Variants in C10orf71 observed in about 807,000 individuals in gnomAD.
The protein encoded by C10orf71 is chromosome 10 open reading frame 71, also known as cardiac-enriched FHL2-interacting protein.
For missense variants in C10orf71, 1,869 were observed against 1,804.5 expected (o/e 1.04, Z -0.65); for synonymous variants, 758 against 726.3 (o/e 1.04, Z -0.70).
In C10orf71 at chr10:49,325,341, C is replaced by T. The variant is rs41306409; in HGVS notation, c.2796C>T (p.Asn932=). Residue 932 remains asparagine (N), a synonymous_variant, in exon 3 of 3, where the codon AAC becomes AAT. Coordinates refer to ENST00000374144, the MANE Select transcript of C10orf71 (RefSeq NM_001135196.2). ...TRGTRVKCMA[N]EVMEDPGQGS... is the part of the protein sequence containing the mutation. ...GCACACGTGTGAAGTGCATGGCCAA[C>T]GAGGTCATGGAGGACCCTGGGCAGG... 0.021 allele frequency: 32,880 copies of T among 1,551,704 alleles called. 412 individuals are homozygous for T. Among genetic ancestry groups the T allele is most frequent in the Non-Finnish European group, 0.026 (30,005 of 1,146,998 alleles).
rs1564694810 is a variant in C10orf71 at position 49,326,933 on chromosome 10, A to ACACACACACACG, written c.*91_*92insGCACACACACAC. 17 of 1,522,508 alleles carry ACACACACACACG rather than the reference A, an allele frequency of 1.1e-5. No homozygotes were observed. In the South Asian group the frequency reaches 1.8e-4, roughly 17 times the overall value. The allele number at this position is 1,522,508 out of a possible 1,614,324, so 94.3% of individuals were successfully genotyped here. On this transcript the variant is annotated 3_prime_UTR_variant, in exon 3 of 3. Coordinates refer to ENST00000374144, the MANE Select transcript of C10orf71 (RefSeq NM_001135196.2). The stretch of plus-strand genomic sequence containing the variant: ...CTCCCCCAAAACAAGCAACACACAC[A>ACACACACACACG]CACACACACACACACACACACACAC...
chr10:49,309,061 A>G (rs977773695), intron 1 of C10orf71, among the ~76,000 whole-genome samples: 1 of 152,218 alleles, frequency 6.6e-6, no homozygotes, highest in Middle Eastern at 3.2e-3. Context: ...GCCAAGTGTT[A>G]TCAAGGAATA....
At position 49,324,702 on chromosome 10, in the gene C10orf71, G is replaced by C; in HGVS notation, c.2157G>C (p.Met719Ile). 2.5e-6 allele frequency: 4 copies of C among 1,603,774 alleles called. No individual in the cohort carries two copies. The highest frequency in any genetic ancestry group is 2.6e-6 in the Non-Finnish European group (3 of 1,174,280). Residue 719 changes from methionine to isoleucine, a missense_variant, in exon 3 of 3, where the codon ATG becomes ATC. Coordinates refer to ENST00000374144, the MANE Select transcript of C10orf71 (RefSeq NM_001135196.2). ...ACAGTGACAGCCAATCCGATTTTAT[G>C]CCAAGCCTCAAAGGTAAGGCCAAAT... Reference protein sequence around the residue: ...VFYSDSQSDFMPSLKGKAKFS... With the variant: ...VFYSDSQSDFIPSLKGKAKFS...
rs772077867 is a variant in C10orf71, at chr10:49,324,134, A to G, written c.1589A>G (p.Lys530Arg). ...GTGCTTGATGAGAAAACTAGAGGTA[A>G]GGTTGATGGAAAGCAAGAACCTGTG... Reference protein sequence around the residue: ...LKVLDEKTRGKVDGKQEPVSN... With the variant: ...LKVLDEKTRGRVDGKQEPVSN... The change falls in exon 3 of 3, where the codon AAG becomes AGG. Residue 530 changes from lysine to arginine, a missense_variant. Coordinates refer to ENST00000374144, the MANE Select transcript of C10orf71 (RefSeq NM_001135196.2). The G allele has an allele frequency of 1.2e-6, 2 of 1,613,990 alleles. No individual in the cohort carries two copies. Among genetic ancestry groups the G allele is most frequent in the East Asian group, 4.5e-5 (2 of 44,880 alleles).
At chr10:49,308,102 C>G (rs755884323) in intron 1 of C10orf71, among the ~76,000 whole-genome samples, 3 of 152,202 alleles carry the variant, frequency 2.0e-5, no homozygotes, top group Admixed American at 6.5e-5. Context: ...AGCATCACTC[C>G]TCCAGTCTCT....
rs775181715 is a variant in C10orf71, at chr10:49,324,646, C to A, written c.2101C>A (p.Pro701Thr). The change falls in exon 3 of 3, where the codon CCC (proline) becomes ACC (threonine). Residue 701 changes from proline (P) to threonine (T), a missense_variant. Coordinates refer to ENST00000374144, the MANE Select transcript of C10orf71 (RefSeq NM_001135196.2). ...THLNQKFFPG[P>T]LSPEEEDVFY... ...TTTGAACCAGAAATTCTTCCCAGGG[C>A]CCCTCTCTCCTGAGGAGGAAGATGT... is the stretch of plus-strand genomic sequence containing the variant. 3 of 1,613,592 alleles carry A rather than the reference C, an allele frequency of 1.9e-6. No individual in the cohort carries two copies. In the South Asian group the frequency reaches 3.3e-5, roughly 18 times the overall value.
At position 49,326,337 on chromosome 10, in the gene C10orf71, C is replaced by T; in HGVS notation, c.3792C>T (p.Leu1264=). 3 of 1,550,048 alleles carry T rather than the reference C, an allele frequency of 1.9e-6. No homozygotes were observed. The highest frequency in any genetic ancestry group is 2.0e-5 in the Admixed American group (1 of 50,970). ...GGCGGCCCGGGGGCCCCCAGTCCCT[C>T]ACACCCCTGCCCGCGTACCCCGCCA... ...VGRRPGGPQS[L]TPLPAYPATQ... is the part of the protein sequence containing the mutation. The change falls in exon 3 of 3, where the codon CTC becomes CTT. Residue 1264 remains leucine, a synonymous_variant. Coordinates refer to ENST00000374144, the MANE Select transcript of C10orf71 (RefSeq NM_001135196.2).
chr10:49,322,807 C>A lies in C10orf71; in HGVS notation c.262C>A (p.Gln88Lys). 1 of 1,613,828 alleles carries A rather than the reference C, an allele frequency of 6.2e-7. No homozygotes were observed. Among genetic ancestry groups the A allele is most frequent in the Non-Finnish European group, 8.5e-7 (1 of 1,179,782 alleles). The change falls in exon 3 of 3, where the codon CAG becomes AAG. Residue 88 changes from glutamine (Q) to lysine (K), a missense_variant. Transcript: ENST00000374144. ...TGGCATTTGGAGCCAGTTACCGTCA[C>A]AGGGCACGGAACATTCGGGCTGGGC... ...KSGIWSQLPS[Q>K]GTEHSGWAAT...
intron 1 of C10orf71, among the ~76,000 whole-genome samples, chr10:49,305,372 C>G (rs928903407): frequency 4.6e-5 from 7 of 152,130 alleles, no homozygotes; most frequent in African/African-American, 1.7e-4. Flanking sequence ...CCCCACACCA[C>G]CAGGTATTAA....
Position 49,324,066 on chromosome 10 carries a change from G to C in C10orf71, c.1521G>C (p.Arg507=). The change falls in exon 3 of 3, where the codon CGG becomes CGC. Residue 507 remains arginine (R), a synonymous_variant. Coordinates refer to ENST00000374144, the MANE Select transcript of C10orf71 (RefSeq NM_001135196.2). Reference sequence around the variant, plus strand: ...TGCTGTTCAACCTCAAGGACGTGCGGAAGCGTGTTAAGAGCACATACAGTT... The same window carrying C: ...TGCTGTTCAACCTCAAGGACGTGCGCAAGCGTGTTAAGAGCACATACAGTT... The part of the protein sequence containing the change: ...PSLLFNLKDV[R]KRVKSTYSSS... 1 of 1,613,988 alleles carries C rather than the reference G, an allele frequency of 6.2e-7. No homozygotes were observed. Among genetic ancestry groups the C allele is most frequent in the Non-Finnish European group, 8.5e-7 (1 of 1,179,892 alleles).
chr10:49,326,132 A>C lies in C10orf71; in HGVS notation c.3587A>C (p.Gln1196Pro), dbSNP rs1849237539. ...KLASKRRKTD[Q>P]AQEKHGESQE... is the part of the protein sequence containing the mutation. ...GCAAGTAAGAGGAGGAAGACGGATC[A>C]GGCTCAGGAGAAGCATGGCGAGTCA... The change falls in exon 3 of 3, where the codon CAG becomes CCG. Residue 1196 changes from glutamine (Q) to proline (P), a missense_variant. Transcript: ENST00000374144. The C allele has an allele frequency of 6.4e-7, 1 of 1,551,604 alleles. No homozygotes were observed. The highest frequency in any genetic ancestry group is 2.0e-5 in the Admixed American group (1 of 50,990).
At chr10:49,311,468 C>T (rs563244100) in intron 1 of C10orf71, among the ~76,000 whole-genome samples, 1 of 152,196 alleles carries the variant, frequency 6.6e-6, no homozygotes, top group African/African-American at 2.4e-5. Flanking sequence ...CATTACATCC[C>T]AGGGTCCAAG....
At chr10:49,307,885 G>T (rs993323085) in intron 1 of C10orf71, among the ~76,000 whole-genome samples, 1 of 152,130 alleles carries the variant, frequency 6.6e-6, no homozygotes, top group African/African-American at 2.4e-5. Context: ...CCCTCCCTGG[G>T]TCTGTGATGC....
Position 49,326,105 on chromosome 10 carries a change from T to C in C10orf71, c.3560T>C (p.Leu1187Pro), listed in dbSNP as rs1349794505. The C allele has an allele frequency of 6.4e-7, 1 of 1,551,620 alleles. No individual in the cohort carries two copies. The highest frequency in any genetic ancestry group is 2.0e-5 in the Admixed American group (1 of 51,006). The change falls in exon 3 of 3, where the codon CTG becomes CCG. Residue 1187 changes from leucine (L) to proline (P), a missense_variant. Coordinates refer to ENST00000374144, the MANE Select transcript of C10orf71 (RefSeq NM_001135196.2). The stretch of plus-strand genomic sequence containing the variant: ...AAAGCCCTGCGGCGGGCAAAGAAGC[T>C]GGCAAGTAAGAGGAGGAAGACGGAT... ...TEKALRRAKK[L>P]ASKRRKTDQA...
rs34780651 is a variant in C10orf71, at chr10:49,319,056, A to G, written c.-145+2809A>G. On this transcript the variant is annotated intron_variant, in intron 2 of 2. Transcript: ENST00000374144. Reference sequence around the variant, plus strand: ...CTGCTGTGAATGGGAGTTCTCTGGCAGTGTTTGATCTGCCAGCTGAACACT... The same window carrying G: ...CTGCTGTGAATGGGAGTTCTCTGGCGGTGTTTGATCTGCCAGCTGAACACT... 1.9e-3 allele frequency among the ~76,000 whole-genome samples: 284 copies of G among 152,328 alleles called. 1 individual carries two copies. Among genetic ancestry groups the G allele is most frequent in the Non-Finnish European group, 3.0e-3 (207 of 68,030 alleles).
At chr10:49,302,416 A>G (rs1848744321) in intron 1 of C10orf71, among the ~76,000 whole-genome samples, 1 of 152,130 alleles carries the variant, frequency 6.6e-6, no homozygotes, top group Non-Finnish European at 1.5e-5. Flanking sequence ...TACAACCACT[A>G]GATGCAAGCC....
At chr10:49,309,931 T>C (rs1054247527) in intron 1 of C10orf71, among the ~76,000 whole-genome samples, 3 of 152,178 alleles carry the variant, frequency 2.0e-5, no homozygotes, top group African/African-American at 7.2e-5. Flanking sequence ...TTTCCCCTTC[T>C]CTAAGAAGTG....
At position 49,321,896 on chromosome 10, in the gene C10orf71, C is replaced by T. The variant is rs575511258; in HGVS notation, c.-144-506C>T. On this transcript the variant is annotated intron_variant, in intron 2 of 2. Transcript: ENST00000374144. ...GTTTCTCTACCCATTTTTAAATCAG[C>T]GGGTTTGGGGTTTTGTTTCATTTTG... 1.1e-4 allele frequency among the ~76,000 whole-genome samples: 17 copies of T among 152,178 alleles called. No individual in the cohort carries two copies. In the East Asian group the frequency reaches 1.7e-3, roughly 16 times the overall value.
rs375386226 is a variant in C10orf71 at position 49,323,804 on chromosome 10, A to G, written c.1259A>G (p.Gln420Arg). 4.3e-6 allele frequency: 7 copies of G among 1,613,862 alleles called. No individual in the cohort carries two copies. Among genetic ancestry groups the G allele is most frequent in the South Asian group, 1.1e-5 (1 of 91,080 alleles). ...TATACAAAACACAACCCCCAGGAAC[A>G]GTTTTCAGAAAACAATGCTCTTGAC... ...PLYTKHNPQE[Q>R]FSENNALDLP... Residue 420 changes from glutamine to arginine, a missense_variant, in exon 3 of 3, where the codon CAG (glutamine) becomes CGG (arginine). Gln to Arg is a conservative substitution (Grantham distance 43). Transcript: ENST00000374144.
Sources: gnomAD v4.1 joint callset for allele counts (sites outside exome capture counted in the v4.1 genomes callset) on GRCh38, gnomAD v4.1.1 for gene constraint, MANE v1.5 for transcripts, NCBI Gene and HGNC (gene_info 2026-07-23, HGNC 2026-07-21) for gene names.